Variants in ATP10B observed in about 807,000 individuals in gnomAD.
ATP10B encodes the protein phospholipid-transporting ATPase VB.
ATP10B carries 122 observed loss-of-function variants against 141.2 expected under a neutral mutation model. The ratio of observed to expected loss-of-function variants is 0.86; its 90% CI spans 0.75 to 1.00. ATP10B has a LOEUF of 1.00. Ranked by LOEUF, ATP10B falls within the 50% of genes least tolerant of loss-of-function variation. The probability of loss-of-function intolerance (pLI) is 0.00; values close to 1 mark genes in which losing one functional copy is unlikely to be tolerated. For missense variants in ATP10B, 1,876 were observed against 1,825.3 expected, an observed-to-expected ratio of 1.03 and a Z score of -0.51; for synonymous variants, 685 against 692.0, an observed-to-expected ratio of 0.99 and a Z score of 0.16.
At chr5:160,796,533 G>A (rs2127920651) in intron 1 of ATP10B, among the ~76,000 whole-genome samples, 1 of 151,818 alleles carries the variant, frequency 6.6e-6, no homozygotes, top group African/African-American at 2.4e-5. Flanking sequence ...TGCATTCAGG[G>A]TACAAGGCCC....
At chr5:160,569,905 C>T (rs1159235112) in intron 24 of ATP10B, among the ~76,000 whole-genome samples, 1 of 152,124 alleles carries the variant, frequency 6.6e-6, no homozygotes, top group Non-Finnish European at 1.5e-5. Context: ...CTGTCTCACC[C>T]CTGCTTTTGG....
the ATP10B span, among the ~76,000 whole-genome samples, chr5:160,923,492 C>T: frequency 2.0e-5 from 3 of 152,150 alleles, no homozygotes; most frequent in African/African-American, 7.2e-5. Flanking sequence ...GTGCCCAGGA[C>T]GCTGTGAAAG....
rs77106615 is a variant in ATP10B at position 160,792,292 on chromosome 5, G to A, written c.-575-6489C>T. Among the ~76,000 whole-genome samples, 345 of 152,206 alleles carry A rather than the reference G, an allele frequency of 2.3e-3. 1 individual carries two copies. The highest frequency in any genetic ancestry group is 3.9e-3 in the Non-Finnish European group (264 of 68,008). On this transcript the variant is annotated intron_variant, in intron 1 of 25. Coordinates refer to ENST00000327245, the MANE Select transcript of ATP10B (RefSeq NM_025153.3). ...AACACAGCATGAACTCAATATATGC[G>A]TGACATATCAGAGAATGTGATCTTG...
upstream of ATP10B, among the ~76,000 whole-genome samples, chr5:160,852,852 G>T (rs774773571): frequency 6.6e-5 from 10 of 151,832 alleles, no homozygotes; most frequent in Non-Finnish European, 1.5e-4. Context: ...ATTATTGATG[G>T]GTCCATAAAT....
chr5:160,896,939 C>T, the ATP10B span, among the ~76,000 whole-genome samples: 1 of 152,090 alleles, frequency 6.6e-6, no homozygotes, highest in African/African-American at 2.4e-5. Flanking sequence ...CAATGACAAA[C>T]ACCACATGAT....
rs991343641 is a variant in ATP10B at position 160,718,476 on chromosome 5, C to T, written c.-330-1442G>A. On this transcript the variant is annotated intron_variant, in intron 2 of 25. Transcript: ENST00000327245. ...TACCATGGTCTCAGAATATCAGAGA[C>T]TGGGTAATTTATAAAGAAAAGAAGT... is the stretch of plus-strand genomic sequence containing the variant. Among the ~76,000 whole-genome samples the T allele has an allele frequency of 5.9e-5, 9 of 152,260 alleles. No individual in the cohort carries two copies. The East Asian group carries it at 1.5e-3, about 26-fold the overall frequency.
At position 160,673,211 on chromosome 5, in the gene ATP10B, G is replaced by T. The variant is rs141432286; in HGVS notation, c.471-2544C>A. 2.8e-3 allele frequency among the ~76,000 whole-genome samples: 433 copies of T among 152,276 alleles called. 7 individuals are homozygous for T. In the Middle Eastern group the frequency reaches 0.054, roughly 19 times the overall value. On this transcript the variant is annotated intron_variant, in intron 6 of 25. Transcript: ENST00000327245. ...CCTTACATGTGAAAGCACATAACAG[G>T]TTTCCAAGCACCTTTCAGTTAATCA...
At chr5:160,717,643 C>T (rs1039175700) in intron 2 of ATP10B, among the ~76,000 whole-genome samples, 2 of 152,176 alleles carry the variant, frequency 1.3e-5, no homozygotes, top group African/African-American at 2.4e-5. Context: ...CTCACAAGAT[C>T]CCTGGCGCTA....
At chr5:160,653,726 TATTA>T (rs1761191212) in intron 7 of ATP10B, among the ~76,000 whole-genome samples, 1 of 118,420 alleles carries the variant, frequency 8.4e-6, no homozygotes, top group Admixed American at 1.0e-4. Flanking sequence ...TATACATATA[TATTA>T]TATATACATA....
At chr5:160,907,310 C>T in the ATP10B span, among the ~76,000 whole-genome samples, 1 of 151,738 alleles carries the variant, frequency 6.6e-6, no homozygotes, top group African/African-American at 2.4e-5. Flanking sequence ...ATTTACACAA[C>T]ATTGTTATTG....
chr5:160,909,776 A>G, the ATP10B span, among the ~76,000 whole-genome samples: 29 of 152,248 alleles, frequency 1.9e-4, no homozygotes, highest in African/African-American at 1.4e-4. Context: ...GGGAAATAAT[A>G]CATTAGGAGA....
rs189529527 is a variant in ATP10B, at chr5:160,565,141, C to G, written c.*312G>C. The G allele has an allele frequency of 6.1e-3, 2,071 of 342,244 alleles. 27 individuals carry two copies. Among genetic ancestry groups the G allele is most frequent in the Non-Finnish European group, 5.7e-3 (1,061 of 185,824 alleles). The allele number at this position is 342,244 out of a possible 1,614,324, so 21.2% of individuals were successfully genotyped here. A position where few individuals can be genotyped will look rare whatever the true frequency, so the allele number is the denominator to read the frequency against. On this transcript the variant is annotated 3_prime_UTR_variant, in exon 26 of 26. Transcript: ENST00000327245. ...TTACGGCACTGGGTTGTAGGCTACG[C>G]TTATCTAGAGGGTCAGAAGAATGGC...
chr5:160,903,302 G>T, the ATP10B span, among the ~76,000 whole-genome samples: 2 of 152,154 alleles, frequency 1.3e-5, no homozygotes, highest in East Asian at 1.9e-4. Flanking sequence ...TCTCGATGTG[G>T]TGAGACTGAG....
In ATP10B at chr5:160,591,126, G is replaced by A. The variant is rs759958631; in HGVS notation, c.3578C>T (p.Ser1193Leu). Residue 1193 changes from serine to leucine, a missense_variant, in exon 23 of 26, where the codon TCG becomes TTG. Transcript: ENST00000327245. ...ATCCACCATAGAAATCCAGAAAGTC[G>A]ACAGGTTATAGCACTGCCAGGAGAG... ...SGQNSECYNL[S>L]TFWISMVDAF... The A allele has an allele frequency of 1.7e-5, 27 of 1,613,784 alleles. No individual in the cohort carries two copies. Among genetic ancestry groups the A allele is most frequent in the East Asian group, 1.3e-4 (6 of 44,892 alleles).
chr5:160,724,251 C>CTT (rs35786358), intron 2 of ATP10B, among the ~76,000 whole-genome samples: 7,449 of 107,018 alleles, frequency 0.07, 361 homozygotes, highest in Non-Finnish European at 0.095. Flanking sequence ...GCTATAATTC[C>CTT]TTTTTTTTTT....
At chr5:160,749,057 G>A (rs1243071648) in intron 2 of ATP10B, among the ~76,000 whole-genome samples, 1 of 152,170 alleles carries the variant, frequency 6.6e-6, no homozygotes, top group Admixed American at 6.5e-5. Flanking sequence ...AAATGTCAGA[G>A]GTGCATTGAG....
chr5:160,873,023 T>A, the ATP10B span, among the ~76,000 whole-genome samples: 17 of 152,182 alleles, frequency 1.1e-4, no homozygotes, highest in African/African-American at 4.1e-4. Flanking sequence ...TGTGTTTCCA[T>A]TTGTTTGTGT....
At position 160,602,662 on chromosome 5, in the gene ATP10B, T is replaced by C. The variant is rs761675504; in HGVS notation, c.3278A>G (p.His1093Arg). 5.0e-6 allele frequency: 8 copies of C among 1,614,088 alleles called. No homozygotes were observed. In the South Asian group the frequency reaches 7.7e-5, roughly 16 times the overall value. Residue 1093 changes from histidine to arginine, a missense_variant, in exon 21 of 26, where the codon CAT (histidine) becomes CGT (arginine). Transcript: ENST00000327245. ...SSDFAITRFK[H>R]LKKLLLVHGH... is the part of the protein sequence containing the mutation. ...ATGCACGAGCAGCAACTTCTTGAGATGCTTAAAGCGGGTGATGGCAAAGTC... is the reference window on the plus strand; with the variant it reads ...ATGCACGAGCAGCAACTTCTTGAGACGCTTAAAGCGGGTGATGGCAAAGTC...
intron 1 of ATP10B, among the ~76,000 whole-genome samples, chr5:160,788,545 A>G (rs1771336896): frequency 6.6e-6 from 1 of 152,204 alleles, no homozygotes; most frequent in South Asian, 2.1e-4. Flanking sequence ...ATCTGGTTCC[A>G]TAATTAACTT....
Sources: gnomAD v4.1 joint callset for allele counts (sites outside exome capture counted in the v4.1 genomes callset) on GRCh38, gnomAD v4.1.1 for gene constraint, MANE v1.5 for transcripts, NCBI Gene and HGNC (gene_info 2026-07-23, HGNC 2026-07-21) for gene names.